The following CCSER1 variants were observed in gnomAD, a reference collection of about 807,000 sequenced individuals.
The protein encoded by CCSER1 is serine-rich coiled-coil domain-containing protein 1.
A neutral mutation model predicts 82.0 loss-of-function variants in CCSER1; 41 were observed. The observed-to-expected ratio is 0.50, with a 90% CI of 0.39 to 0.65. CCSER1 has a LOEUF of 0.65. Among genes scored for constraint, CCSER1 ranks in the 30% least tolerant of loss-of-function variants. The pLI is 0.00. For missense variants in CCSER1, 1,119 were observed against 1,064.2 expected (o/e 1.05, Z -0.72); for synonymous variants, 414 against 383.9 (o/e 1.08, Z -0.92).
intron 1 of CCSER1, among the ~76,000 whole-genome samples, chr4:90,198,049 A>G (rs1272514633): frequency 2.6e-5 from 4 of 152,188 alleles, no homozygotes; most frequent in Non-Finnish European, 5.9e-5. Flanking sequence ...CCATAAACAT[A>G]TACACCTATT....
intron 10 of CCSER1, among the ~76,000 whole-genome samples, chr4:91,305,900 G>GGGAGATATTAAAAGAATGTTACTT (rs1745031133): frequency 2.6e-5 from 4 of 151,706 alleles, no homozygotes; most frequent in Non-Finnish European, 4.4e-5. Context: ...GATCTTGTGA[G>GGGAGATATTAAAAGAATGTTACTT]ACCCCCCCTC....
At chr4:90,642,649 G>A (rs190194054) in intron 6 of CCSER1, among the ~76,000 whole-genome samples, 271 of 152,156 alleles carry the variant, frequency 1.8e-3, no homozygotes, top group African/African-American at 6.4e-3. Flanking sequence ...GACAAGCCTG[G>A]GCAACATAGA....
At chr4:90,798,146 G>A (rs373735493) in intron 7 of CCSER1, among the ~76,000 whole-genome samples, 6 of 151,202 alleles carry the variant, frequency 4.0e-5, no homozygotes, top group East Asian at 1.9e-4. Context: ...ACGTAATGCC[G>A]TATTTCTCAG....
chr4:90,491,688 C>T (rs1768044291), intron 5 of CCSER1, among the ~76,000 whole-genome samples: 1 of 152,044 alleles, frequency 6.6e-6, no homozygotes, highest in Non-Finnish European at 1.5e-5. Flanking sequence ...TGAGAGACGT[C>T]CCACCAATAC....
chr4:90,578,444 A>G (rs1016254740), intron 5 of CCSER1, among the ~76,000 whole-genome samples: 2 of 152,124 alleles, frequency 1.3e-5, no homozygotes, highest in Non-Finnish European at 2.9e-5. Flanking sequence ...AGTTTTTGTC[A>G]TATCATGGCA....
intron 7 of CCSER1, among the ~76,000 whole-genome samples, chr4:90,798,973 C>T (rs1002378304): frequency 1.3e-4 from 20 of 152,206 alleles, no homozygotes; most frequent in African/African-American, 4.8e-4. Context: ...AGGATCAGTC[C>T]TCGTTCTCAC....
chr4:91,092,900 C>A (rs60008433), intron 10 of CCSER1, among the ~76,000 whole-genome samples: 1 of 152,198 alleles, frequency 6.6e-6, no homozygotes, highest in Non-Finnish European at 1.5e-5. Context: ...TGGAAGCTCA[C>A]TGGTGTCCCT....
intron 3 of CCSER1, among the ~76,000 whole-genome samples, chr4:90,357,284 A>G (rs1035354970): frequency 2.0e-5 from 3 of 151,914 alleles, no homozygotes; most frequent in Admixed American, 1.3e-4. Flanking sequence ...GCATTTAGTA[A>G]TTCTGTGCAG....
intron 10 of CCSER1, among the ~76,000 whole-genome samples, chr4:91,086,415 A>G (rs758905005): frequency 6.6e-6 from 1 of 152,092 alleles, no homozygotes; most frequent in Non-Finnish European, 1.5e-5. Flanking sequence ...GGCATATGCT[A>G]CTAGGTTGGT....
intron 5 of CCSER1, among the ~76,000 whole-genome samples, chr4:90,482,447 G>C (rs1217127831): frequency 4.6e-5 from 7 of 151,802 alleles, no homozygotes; most frequent in Non-Finnish European, 7.4e-5. Flanking sequence ...TTCTCTAGTT[G>C]TTTTAATTGT....
intron 10 of CCSER1, among the ~76,000 whole-genome samples, chr4:91,354,863 A>T (rs150163657): frequency 8.0e-4 from 122 of 152,332 alleles, no homozygotes; most frequent in African/African-American, 2.8e-3. Flanking sequence ...TTTTTCCTAG[A>T]GTCTCTGGTA....
intron 10 of CCSER1, among the ~76,000 whole-genome samples, chr4:91,173,593 CAAAAAAAAAAAA>C (rs55747744): frequency 9.5e-6 from 1 of 104,728 alleles, no homozygotes; most frequent in African/African-American, 3.7e-5. Context: ...GACTCCGTCT[CAAAAAAAAAAAA>C]AAAAAAAAAA....
chr4:91,574,232 A>G (rs1763329988), intron 10 of CCSER1, among the ~76,000 whole-genome samples: 1 of 138,558 alleles, frequency 7.2e-6, no homozygotes, highest in Admixed American at 7.4e-5. Context: ...AAAAAGTCAA[A>G]AAACAGATGC....
At chr4:90,347,327 ATCTATCTATCTATCTATC>A (rs1159624239) in intron 3 of CCSER1, among the ~76,000 whole-genome samples, 1 of 151,840 alleles carries the variant, frequency 6.6e-6, no homozygotes, top group East Asian at 1.9e-4. Flanking sequence ...CTATCTATCT[ATCTATCTATCTATCTATC>A]TATCTATATA....
At chr4:90,473,692 T>C (rs939771310) in intron 5 of CCSER1, among the ~76,000 whole-genome samples, 1 of 152,150 alleles carries the variant, frequency 6.6e-6, no homozygotes, top group Non-Finnish European at 1.5e-5. Context: ...ATATGTTAGA[T>C]TTGGAACAGT....
intron 9 of CCSER1, among the ~76,000 whole-genome samples, chr4:90,983,827 T>G (rs17017867): frequency 0.069 from 10,437 of 151,804 alleles, 510 homozygotes; most frequent in East Asian, 0.2. Flanking sequence ...TTCTTTTCCT[T>G]TAGTGGAATA....
At chr4:90,391,483 T>TATATATAC (rs1554021253) in intron 3 of CCSER1, among the ~76,000 whole-genome samples, 79 of 84,928 alleles carry the variant, frequency 9.3e-4, no homozygotes, top group Non-Finnish European at 1.5e-3. Flanking sequence ...TATATATATA[T>TATATATAC]ATACACACAC....
At chr4:90,458,268 A>C (rs1276589566) in intron 4 of CCSER1, among the ~76,000 whole-genome samples, 1 of 151,918 alleles carries the variant, frequency 6.6e-6, no homozygotes, top group African/African-American at 2.4e-5. Flanking sequence ...CGCCCCAGCT[A>C]CACCTCCCAC....
intron 10 of CCSER1, among the ~76,000 whole-genome samples, chr4:91,199,418 GT>G (rs542519183): frequency 1.3e-3 from 194 of 152,192 alleles, no homozygotes; most frequent in Non-Finnish European, 2.5e-3. Context: ...ATATTTCTTA[GT>G]TTCTAATTTC....
Sources: allele counts gnomAD v4.1 joint callset (sites outside exome capture counted in the v4.1 genomes callset), GRCh38; gene constraint gnomAD v4.1.1; transcripts MANE v1.5; gene names NCBI Gene and HGNC (gene_info 2026-07-23, HGNC 2026-07-21).